COQ9: variants seen among roughly 807,000 people sequenced by gnomAD.
COQ9 encodes ubiquinone biosynthesis protein COQ9, mitochondrial.
A neutral mutation model predicts 42.4 loss-of-function variants in COQ9; 35 were observed. The ratio of observed to expected loss-of-function variants is 0.83; its 90% CI spans 0.63 to 1.10. COQ9 has a LOEUF of 1.10. Ranked by LOEUF, COQ9 falls within the 50% of genes least tolerant of loss-of-function variation. The pLI is 0.00. For missense variants in COQ9, 406 were observed against 414.6 expected (o/e 0.98, Z 0.18); for synonymous variants, 155 against 155.1 (o/e 1.00, Z 0.00).
chr16:57,460,435 A>T (rs1300828056), intron 8 of COQ9, among the ~76,000 whole-genome samples, 154 bp from the exon 9 acceptor site: 1 of 151,962 alleles, frequency 6.6e-6, no homozygotes, highest in Non-Finnish European at 1.5e-5. Context: ...GCTTGAGCCC[A>T]GGAGTTTGAG....
At chr16:57,453,178 T>C (rs2030327620) in intron 3 of COQ9, 1 of 567,536 alleles carries the variant, frequency 1.8e-6, no homozygotes, top group South Asian at 2.0e-5. Context: ...GCAAGAATTG[T>C]CTGTGATCAA....
intron 1 of COQ9, 142 bp downstream of exon 1, chr16:57,447,720 G>A (rs1342186162): frequency 4.5e-6 from 3 of 664,862 alleles, no homozygotes; most frequent in African/African-American, 1.9e-5. Context: ...GCGCGGGCTC[G>A]GGCGAGCCGC....
At position 57,447,516 on chromosome 16, in the gene COQ9, C is replaced by T. The variant is rs2030148340; in HGVS notation, c.11C>T (p.Ala4Val). The T allele has an allele frequency of 9.2e-6, 12 of 1,308,586 alleles. No individual in the cohort carries two copies. The highest frequency in any genetic ancestry group is 1.1e-5 in the Non-Finnish European group (11 of 1,022,410). The allele number at this position is 1,308,586 out of a possible 1,614,324, so 81.1% of individuals were successfully genotyped here. A position where few individuals can be genotyped will look rare whatever the true frequency, so the allele number is the denominator to read the frequency against. Residue 4 changes from alanine to valine, a missense_variant, in exon 1 of 9, where the codon GCG becomes GTG. Ala to Val is a moderately conservative substitution (Grantham distance 64, BLOSUM62 0). Transcript: ENST00000262507. MAA[A>V]AVSGALGRAG... is the part of the protein sequence containing the mutation. ...GTGCCCGCTTCCAAAATGGCGGCGG[C>T]GGCGGTATCTGGTGCGCTTGGCCGG... is the stretch of plus-strand genomic sequence containing the variant.
rs2030318617 is a variant in COQ9 at position 57,452,843 on chromosome 16, TGAG to T, written c.289_291del (p.Glu97del). The T allele has an allele frequency of 1.2e-6, 2 of 1,613,468 alleles. No individual in the cohort carries two copies. The highest frequency in any genetic ancestry group is 4.5e-5 in the East Asian group (2 of 44,890). On this transcript the variant is annotated inframe_deletion, in exon 3 of 9. Transcript: ENST00000262507. Reference sequence around the variant, plus strand: ...GCGAGGAGGAGGAGGACTATGAAAGTGAGGAGCAGTTGCAGCACCGCATCCTGA... The same window carrying T: ...GCGAGGAGGAGGAGGACTATGAAAGTGAGCAGTTGCAGCACCGCATCCTGA...
rs886052180 is a variant in COQ9, at chr16:57,456,529, C to T, written c.404C>T (p.Ala135Val). ...TCTCTGGGTCTCTCCAGTGCAGCAG[C>T]CAGCATGTTCGGGAAGGATGGCAGT... ...AQSLGLSSAA[A>V]SMFGKDGSEL... Residue 135 changes from alanine (A) to valine (V), a missense_variant, in exon 4 of 9, where the codon GCC becomes GTC. By Grantham distance (64) the Ala-to-Val change is moderately conservative (BLOSUM62 0). Coordinates refer to ENST00000262507, the MANE Select transcript of COQ9 (RefSeq NM_020312.4). The T allele has an allele frequency of 6.2e-7, 1 of 1,614,178 alleles. No individual in the cohort carries two copies. Among genetic ancestry groups the T allele is most frequent in the Non-Finnish European group, 8.5e-7 (1 of 1,180,044 alleles).
intron 2 of COQ9, among the ~76,000 whole-genome samples, chr16:57,452,458 A>G (rs2030309919): frequency 6.6e-6 from 1 of 152,250 alleles, no homozygotes; most frequent in Non-Finnish European, 1.5e-5. Context: ...CCTGGCCAAC[A>G]TGGTGAAACC....
chr16:57,453,489 C>T (rs1192272092), intron 3 of COQ9: 1 of 191,266 alleles, frequency 5.2e-6, no homozygotes, highest in East Asian at 1.3e-4. Flanking sequence ...GGCTCATGTT[C>T]AGGCCATGTT....
chr16:57,456,863 G>A lies in COQ9; in HGVS notation c.522-68G>A, dbSNP rs1456533777. 13 of 1,456,328 alleles carry A rather than the reference G, an allele frequency of 8.9e-6. No homozygotes were observed. The East Asian group carries it at 2.9e-4, about 33-fold the overall frequency. The allele number at this position is 1,456,328 out of a possible 1,614,324, so 90.2% of individuals were successfully genotyped here. A position where few individuals can be genotyped will look rare whatever the true frequency, so the allele number is the denominator to read the frequency against. ...GTGGGACCCTCCTCCCTAGGGCTGA[G>A]TAAACCGTGGAGCACTGAGCCCCTG... On this transcript the variant is annotated intron_variant, in intron 4 of 8. Transcript: ENST00000262507.
intron 2 of COQ9, among the ~76,000 whole-genome samples, 165 bp from the exon 3 acceptor site, chr16:57,452,633 CTCT>C (rs1358139267): frequency 2.6e-5 from 4 of 152,146 alleles, no homozygotes; most frequent in Admixed American, 6.5e-5. Context: ...CAGAGGGAGA[CTCT>C]GTCTCAAAAA....
At chr16:57,458,564 A>G (rs1428280129) in intron 6 of COQ9, among the ~76,000 whole-genome samples, 1 of 152,140 alleles carries the variant, frequency 6.6e-6, no homozygotes, top group Non-Finnish European at 1.5e-5. Flanking sequence ...ACCAGTTATT[A>G]TTTCTTCCAG....
In COQ9 at chr16:57,452,830, A is replaced by G. The variant is rs2030318089; in HGVS notation, c.272A>G (p.Glu91Gly). The G allele has an allele frequency of 1.2e-6, 2 of 1,613,490 alleles. No individual in the cohort carries two copies. The highest frequency in any genetic ancestry group is 1.7e-6 in the Non-Finnish European group (2 of 1,180,012). The change falls in exon 3 of 9, where the codon GAG becomes GGG. Residue 91 changes from glutamate to glycine, a missense_variant. Coordinates refer to ENST00000262507, the MANE Select transcript of COQ9 (RefSeq NM_020312.4). ...RYTDQGGEEE[E>G]DYESEEQLQH... ...ACAGACCAGGGCGGCGAGGAGGAGG[A>G]GGACTATGAAAGTGAGGAGCAGTTG... is the stretch of plus-strand genomic sequence containing the variant.
chr16:57,447,714 G>A (rs2030161327), intron 1 of COQ9, 136 bp downstream of exon 1: 2 of 739,270 alleles, frequency 2.7e-6, no homozygotes, highest in Admixed American at 4.4e-5. Context: ...GCATCGGCGC[G>A]GGCTCGGGCG....
At chr16:57,455,796 CAA>C (rs1432142619) in intron 3 of COQ9, among the ~76,000 whole-genome samples, 36 of 152,180 alleles carry the variant, frequency 2.4e-4, no homozygotes, top group African/African-American at 8.2e-4. Context: ...AGTACAGAAA[CAA>C]GAGTGGACCA....
chr16:57,452,522 G>T (rs539476344), intron 2 of COQ9, among the ~76,000 whole-genome samples: 1 of 152,300 alleles, frequency 6.6e-6, no homozygotes, highest in African/African-American at 2.4e-5. Flanking sequence ...CACGCCTGTA[G>T]TCTCATCGAC....
Position 57,460,019 on chromosome 16 carries a change from GCC to G in COQ9, c.868-31_868-30del, listed in dbSNP as rs546070117. ...TCTCAAGTTTAACTTTGTGTTGGTG[GCC>G]TAAGGGAACCTGACACTGACTCCTT... On this transcript the variant is annotated intron_variant, in intron 7 of 8. Coordinates refer to ENST00000262507, the MANE Select transcript of COQ9 (RefSeq NM_020312.4). 296 of 1,609,712 alleles carry G rather than the reference GCC, an allele frequency of 1.8e-4. 2 individuals carry two copies. In the African/African-American group the frequency reaches 3.7e-3, roughly 20 times the overall value.
In COQ9 at chr16:57,460,765, C is replaced by A. The variant is rs2030518157; in HGVS notation, c.*141C>A. ...GACTCCTGAGTCACTACCACAGCCA[C>A]CTGGAAACCACAAGGCATTTGATGC... is the stretch of plus-strand genomic sequence containing the variant. On this transcript the variant is annotated 3_prime_UTR_variant, in exon 9 of 9. Coordinates refer to ENST00000262507, the MANE Select transcript of COQ9 (RefSeq NM_020312.4). The A allele has an allele frequency of 1.3e-6, 1 of 771,480 alleles. No individual in the cohort carries two copies. 47.8% of individuals were successfully genotyped at this position (771,480 alleles called of 1,614,324 possible). A position where few individuals can be genotyped will look rare whatever the true frequency, so the allele number is the denominator to read the frequency against.
intron 6 of COQ9, 103 bp downstream of exon 6, chr16:57,458,453 G>C (rs1259993560): frequency 1.2e-6 from 1 of 857,544 alleles, no homozygotes; most frequent in Non-Finnish European, 1.9e-6. Context: ...CCTGCAGGGG[G>C]GCTGCAGTGT....
At position 57,456,569 on chromosome 16, in the gene COQ9, T is replaced by G; in HGVS notation, c.444T>G (p.His148Gln). 1 of 1,614,158 alleles carries G rather than the reference T, an allele frequency of 6.2e-7. No homozygotes were observed. Among genetic ancestry groups the G allele is most frequent in the Non-Finnish European group, 8.5e-7 (1 of 1,180,012 alleles). ...AGGATGGCAGTGAGCTAATACTGCA[T>G]TTTGTGACCCAGTGCAATACCCGGC... The part of the protein sequence containing the change: ...FGKDGSELIL[H>Q]FVTQCNTRLT... Residue 148 changes from histidine (H) to glutamine (Q), a missense_variant, in exon 4 of 9, where the codon CAT becomes CAG. Transcript: ENST00000262507.
chr16:57,455,942 G>A (rs1429570981), intron 3 of COQ9, among the ~76,000 whole-genome samples: 2 of 152,032 alleles, frequency 1.3e-5, no homozygotes, highest in East Asian at 1.9e-4. Flanking sequence ...AGCCAGATGC[G>A]GTGGCGCATA....
Sources: allele counts gnomAD v4.1 joint callset (sites outside exome capture counted in the v4.1 genomes callset), GRCh38; gene constraint gnomAD v4.1.1; transcripts MANE v1.5; gene names NCBI Gene and HGNC (gene_info 2026-07-23, HGNC 2026-07-21).